The following SV2C variants were observed in gnomAD, a reference collection of about 807,000 sequenced individuals.
The protein encoded by SV2C is solute carrier family 22 member B3.
SV2C carries 49 observed loss-of-function variants against 79.7 expected under a neutral mutation model. The observed-to-expected ratio is 0.61, with a 90% confidence interval of 0.49 to 0.78. The LOEUF (loss-of-function observed/expected upper bound fraction) is 0.78. Among genes scored for constraint, SV2C ranks in the 30% least tolerant of loss-of-function variants. SV2C has a pLI of 0.00. For missense variants in SV2C, 833 were observed against 912.9 expected (o/e 0.91, Z 1.13); for synonymous variants, 334 against 333.2 (o/e 1.00, Z -0.03).
the SV2C span, among the ~76,000 whole-genome samples, chr5:75,994,341 G>GT: frequency 6.6e-6 from 1 of 151,996 alleles, no homozygotes. Flanking sequence ...ATTTATAGGC[G>GT]TTCCACCTCT....
At chr5:75,910,687 C>A in the SV2C span, 1 of 1,279,962 alleles carries the variant, frequency 7.8e-7, no homozygotes, top group Non-Finnish European at 1.1e-6. Flanking sequence ...CCAAGACTGC[C>A]AAGGCAGAGG....
chr5:76,341,056 G>A (rs1254512704), intron 12 of SV2C, among the ~76,000 whole-genome samples: 2 of 150,364 alleles, frequency 1.3e-5, no homozygotes, highest in Non-Finnish European at 3.0e-5. Context: ...TCAGCCTCCC[G>A]AGTAGCTGGG....
chr5:76,235,773 AT>A (rs146610662), intron 4 of SV2C, among the ~76,000 whole-genome samples: 91 of 151,874 alleles, frequency 6.0e-4, no homozygotes, highest in Admixed American at 2.8e-3. Flanking sequence ...AAGAATCCAT[AT>A]TTTTTTTCCT....
the SV2C span, among the ~76,000 whole-genome samples, chr5:75,861,464 A>G: frequency 1.8e-3 from 273 of 152,342 alleles, 2 homozygotes; most frequent in African/African-American, 6.0e-3. Context: ...CAGCAATCCC[A>G]TTACTGGGTA....
chr5:75,899,212 A>G, the SV2C span, among the ~76,000 whole-genome samples: 1 of 152,224 alleles, frequency 6.6e-6, no homozygotes, highest in African/African-American at 2.4e-5. Flanking sequence ...ATTTAGTGCT[A>G]TAAATTTCCC....
intron 2 of SV2C, among the ~76,000 whole-genome samples, chr5:76,151,990 C>T (rs1159741956): frequency 6.6e-6 from 1 of 152,126 alleles, no homozygotes; most frequent in East Asian, 1.9e-4. Context: ...AAGCTACAGA[C>T]GGAGCTTTAG....
At chr5:76,234,296 G>A (rs1318478399) in intron 4 of SV2C, among the ~76,000 whole-genome samples, 3 of 152,078 alleles carry the variant, frequency 2.0e-5, no homozygotes, top group Non-Finnish European at 4.4e-5. Flanking sequence ...GAGCAATAGG[G>A]TCACTATTAT....
intron 12 of SV2C, among the ~76,000 whole-genome samples, chr5:76,303,671 G>T (rs1207094423): frequency 6.6e-6 from 1 of 152,050 alleles, no homozygotes; most frequent in Non-Finnish European, 1.5e-5. Context: ...AATTGAAATT[G>T]GTCAGGTCCT....
At chr5:76,064,311 G>T in the SV2C span, among the ~76,000 whole-genome samples, 1 of 152,154 alleles carries the variant, frequency 6.6e-6, no homozygotes, top group Non-Finnish European at 1.5e-5. Flanking sequence ...GGCCCTGGAC[G>T]TGAGAGGAGA....
chr5:76,195,170 A>T, intron 3 of SV2C, 71 bp downstream of exon 3: 1 of 1,499,878 alleles, frequency 6.7e-7, no homozygotes, highest in Non-Finnish European at 9.0e-7. Flanking sequence ...AGAGAACCTT[A>T]TTGGGAGGAA....
At chr5:75,965,271 C>A in the SV2C span, among the ~76,000 whole-genome samples, 5 of 152,140 alleles carry the variant, frequency 3.3e-5, no homozygotes, top group Non-Finnish European at 5.9e-5. Flanking sequence ...AAAGTGAACT[C>A]ATTAACAATA....
the SV2C span, chr5:75,920,931 C>A: frequency 1.4e-6 from 1 of 732,290 alleles, no homozygotes; most frequent in South Asian, 1.5e-5. Context: ...TGGATCCTGG[C>A]AAAGCTCTTG....
intron 12 of SV2C, among the ~76,000 whole-genome samples, chr5:76,306,813 T>C (rs920765157): frequency 1.3e-5 from 2 of 152,238 alleles, no homozygotes; most frequent in African/African-American, 4.8e-5. Context: ...GCTTCACTAA[T>C]AGTAAAAATT....
At chr5:75,878,838 C>A in the SV2C span, among the ~76,000 whole-genome samples, 2 of 150,826 alleles carry the variant, frequency 1.3e-5, no homozygotes, top group African/African-American at 4.9e-5. Flanking sequence ...ATATCTGAGG[C>A]TGGATAATTT....
chr5:76,334,093 T>C (rs1749261266), downstream of SV2C: 1 of 152,182 alleles, frequency 6.6e-6, no homozygotes, highest in African/African-American at 2.4e-5. Context: ...TGGGCTGGTG[T>C]CATGGGTATT....
chr5:75,979,444 G>A, the SV2C span, among the ~76,000 whole-genome samples: 5 of 150,726 alleles, frequency 3.3e-5, no homozygotes, highest in Non-Finnish European at 7.4e-5. Flanking sequence ...ATAATCACAT[G>A]GCACTTAGTC....
At chr5:76,163,568 T>C (rs1160118789) in intron 2 of SV2C, among the ~76,000 whole-genome samples, 2 of 152,078 alleles carry the variant, frequency 1.3e-5, no homozygotes, top group Non-Finnish European at 2.9e-5. Flanking sequence ...ATGTCTTTTA[T>C]TGGTGGCATT....
At chr5:76,214,509 G>A (rs977575180) in intron 4 of SV2C, among the ~76,000 whole-genome samples, 1 of 152,066 alleles carries the variant, frequency 6.6e-6, no homozygotes, top group Non-Finnish European at 1.5e-5. Context: ...AGCTACTCAG[G>A]GTCTTTTGTT....
chr5:76,181,758 A>G (rs1743740538), intron 2 of SV2C, among the ~76,000 whole-genome samples: 1 of 152,178 alleles, frequency 6.6e-6, no homozygotes, highest in African/African-American at 2.4e-5. Flanking sequence ...GGGGATTACA[A>G]TTCAACTTGA....
Sources: allele counts gnomAD v4.1 joint callset (sites outside exome capture counted in the v4.1 genomes callset), GRCh38; gene constraint gnomAD v4.1.1; transcripts MANE v1.5; gene names NCBI Gene and HGNC (gene_info 2026-07-23, HGNC 2026-07-21).